Variants in CLYBL observed in about 807,000 individuals in gnomAD.
The protein encoded by CLYBL is citramalyl-CoA lyase, also known as citramalyl-CoA lyase, mitochondrial.
Under a neutral mutation model 38.9 loss-of-function variants are expected in CLYBL, and 31 were observed. The ratio of observed to expected loss-of-function variants is 0.80; its 90% CI spans 0.60 to 1.08. The LOEUF (loss-of-function observed/expected upper bound fraction) is 1.08. CLYBL is among the 50% of genes least tolerant of loss of function. The probability of loss-of-function intolerance (pLI) is 0.00; values close to 1 mark genes in which losing one functional copy is unlikely to be tolerated. For synonymous variants in CLYBL, 171 were observed against 158.6 expected (o/e 1.08, Z -0.59); for missense variants, 434 against 411.6 (o/e 1.05, Z -0.47).
intron 1 of CLYBL, among the ~76,000 whole-genome samples, chr13:99,705,364 T>G (rs1267906412): frequency 6.6e-6 from 1 of 152,104 alleles, no homozygotes; most frequent in Non-Finnish European, 1.5e-5. Flanking sequence ...GCGGATCACC[T>G]GAGGTCAGGA....
intron 2 of CLYBL, among the ~76,000 whole-genome samples, chr13:99,778,764 G>T (rs1377470489): frequency 2.0e-5 from 3 of 152,150 alleles, no homozygotes; most frequent in Non-Finnish European, 4.4e-5. Flanking sequence ...GTAAAAATAT[G>T]CCAAGTAATG....
At chr13:99,906,043 G>A (rs1439137962) in intron 9 of CLYBL, among the ~76,000 whole-genome samples, 4 of 152,178 alleles carry the variant, frequency 2.6e-5, no homozygotes, top group African/African-American at 9.7e-5. Flanking sequence ...CAAAGTGCTA[G>A]GATTACAGGC....
intron 1 of CLYBL, among the ~76,000 whole-genome samples, chr13:99,709,870 C>T (rs528570453): frequency 9.3e-5 from 14 of 150,822 alleles, no homozygotes; most frequent in Non-Finnish European, 1.6e-4. Context: ...AGAGCTTCGC[C>T]ACTGCATTTC....
intron 2 of CLYBL, among the ~76,000 whole-genome samples, chr13:99,785,884 C>G (rs936127869): frequency 6.6e-6 from 1 of 152,124 alleles, no homozygotes; most frequent in Non-Finnish European, 1.5e-5. Flanking sequence ...GCGTGAGCCA[C>G]TGCGCTTGGC....
intron 2 of CLYBL, among the ~76,000 whole-genome samples, chr13:99,848,179 C>A (rs1297142797): frequency 6.6e-6 from 1 of 152,178 alleles, no homozygotes; most frequent in East Asian, 1.9e-4. Flanking sequence ...CCTCCTCCAA[C>A]CCCCTTCTCA....
At chr13:99,790,692 C>T (rs114953797) in intron 2 of CLYBL, among the ~76,000 whole-genome samples, 6 of 152,260 alleles carry the variant, frequency 3.9e-5, no homozygotes, top group South Asian at 4.1e-4. Flanking sequence ...AGTATTCTAT[C>T]GGTTCATTTC....
intron 2 of CLYBL, among the ~76,000 whole-genome samples, chr13:99,836,078 C>T (rs1350854705): frequency 6.6e-6 from 1 of 152,100 alleles, no homozygotes; most frequent in Admixed American, 6.5e-5. Context: ...AAAGTATGAC[C>T]AAGTCCTCAG....
chr13:99,703,836 T>C (rs1167427170), intron 1 of CLYBL, among the ~76,000 whole-genome samples: 1 of 152,216 alleles, frequency 6.6e-6, no homozygotes, highest in Non-Finnish European at 1.5e-5. Flanking sequence ...TCTTATCCAC[T>C]GGTTGGAAGC....
intron 8 of CLYBL, among the ~76,000 whole-genome samples, chr13:99,904,635 C>G (rs559510898): frequency 6.6e-6 from 1 of 151,674 alleles, no homozygotes; most frequent in East Asian, 1.9e-4. Flanking sequence ...TGTGTGGCCT[C>G]TAAAATGGCA....
rs368594262 is a variant in CLYBL at position 99,672,819 on chromosome 13, C to T, written c.62+66062C>T. ...AATAACATTTTACCTCATTTTTCTC[C>T]ACTGTTCATTTTGTTTGAAAATCTG... On this transcript the variant is annotated intron_variant, in intron 1 of 8. Transcript: ENST00000339105. Among the ~76,000 whole-genome samples the T allele has an allele frequency of 2.0e-5, 3 of 152,190 alleles. No individual in the cohort carries two copies. The South Asian group carries it at 6.2e-4, about 32-fold the overall frequency.
intron 1 of CLYBL, among the ~76,000 whole-genome samples, chr13:99,666,384 G>A (rs1454641320): frequency 6.6e-6 from 1 of 152,182 alleles, no homozygotes; most frequent in Non-Finnish European, 1.5e-5. Context: ...TGACTCGGTG[G>A]GTGTGCCCCA....
In CLYBL at chr13:99,695,889, G is replaced by C. The variant is rs186616985; in HGVS notation, c.63-76935G>C. On this transcript the variant is annotated intron_variant, in intron 1 of 8. Transcript: ENST00000339105. ...GGGTCTTCAGGGGAGGAGGGAGAAG[G>C]TCAGAGGGTGACCTTCCTACTTCTG... Among the ~76,000 whole-genome samples, 247 of 152,300 alleles carry C rather than the reference G, an allele frequency of 1.6e-3. 2 individuals carry two copies. The highest frequency in any genetic ancestry group is 5.8e-3 in the African/African-American group (239 of 41,546).
rs142236425 is a variant in CLYBL at position 99,776,321 on chromosome 13, C to T, written c.249+3311C>T. Among the ~76,000 whole-genome samples the T allele has an allele frequency of 6.8e-3, 1,027 of 151,436 alleles. 13 individuals are homozygous for T. The highest frequency in any genetic ancestry group is 0.024 in the African/African-American group (991 of 41,298). ...ACCAGCCTGGGCAACATGGCAAAAC[C>T]TCATCTCTACTAAAAATACAAAAAA... is the stretch of plus-strand genomic sequence containing the variant. On this transcript the variant is annotated intron_variant, in intron 2 of 8. Transcript: ENST00000339105.
chr13:99,736,334 G>C (rs1345939610), intron 1 of CLYBL, among the ~76,000 whole-genome samples: 1 of 151,598 alleles, frequency 6.6e-6, no homozygotes, highest in Admixed American at 6.6e-5. Context: ...CACCGCACCC[G>C]GCCATCCTAT....
chr13:99,782,195 A>G (rs1376546543), intron 2 of CLYBL, among the ~76,000 whole-genome samples: 2 of 151,950 alleles, frequency 1.3e-5, no homozygotes, highest in African/African-American at 2.4e-5. Context: ...TAAAGTTTAC[A>G]TTTTTGTTTT....
At chr13:99,726,223 A>T (rs1318544215) in intron 1 of CLYBL, 1 of 152,222 alleles carries the variant, frequency 6.6e-6, no homozygotes, top group Non-Finnish European at 1.5e-5. Flanking sequence ...TTTGAGATTA[A>T]GAACTCAAAG....
chr13:99,620,002 T>G (rs1478958608), intron 1 of CLYBL, among the ~76,000 whole-genome samples: 2 of 152,052 alleles, frequency 1.3e-5, no homozygotes, highest in Non-Finnish European at 2.9e-5. Flanking sequence ...AAGGGAGATG[T>G]TTTTGGTTGT....
intron 4 of CLYBL, 110 bp from the exon 5 acceptor site, chr13:99,864,708 C>T: frequency 1.4e-6 from 1 of 736,696 alleles, no homozygotes; most frequent in Non-Finnish European, 2.4e-6. Context: ...GGACTGCTTT[C>T]AGCCAAACTG....
At chr13:99,710,830 A>G (rs957888710) in intron 1 of CLYBL, among the ~76,000 whole-genome samples, 1 of 150,656 alleles carries the variant, frequency 6.6e-6, no homozygotes, top group Non-Finnish European at 1.5e-5. Context: ...TTGTAAGCAC[A>G]TCTCCTTCAA....
Sources: gnomAD v4.1 joint callset for allele counts (sites outside exome capture counted in the v4.1 genomes callset) on GRCh38, gnomAD v4.1.1 for gene constraint, MANE v1.5 for transcripts, NCBI Gene and HGNC (gene_info 2026-07-23, HGNC 2026-07-21) for gene names.